Variants in CLDN16 observed in about 807,000 individuals in gnomAD.
CLDN16 encodes the protein claudin 16.
In CLDN16, 13 loss-of-function variants were observed where a neutral mutation model predicts 24.6. The observed-to-expected ratio is 0.53, with a 90% CI of 0.34 to 0.84. The LOEUF is 0.84. Among genes scored for constraint, CLDN16 ranks in the 40% least tolerant of loss-of-function variants. The pLI, the probability that CLDN16 is intolerant of heterozygous loss-of-function variation, is 0.01. For missense variants in CLDN16, 298 were observed against 292.7 expected (o/e 1.02, Z -0.13); for synonymous variants, 116 against 106.7 (o/e 1.09, Z -0.54).
At chr3:190,344,474 A>T (rs1717508350) in intron 1 of CLDN16, among the ~76,000 whole-genome samples, 1 of 151,812 alleles carries the variant, frequency 6.6e-6, no homozygotes, top group South Asian at 2.1e-4. Context: ...TAGAGTAGTG[A>T]ATAATGTATA....
chr3:190,346,550 T>C (rs1331248776), intron 1 of CLDN16, among the ~76,000 whole-genome samples: 1 of 152,230 alleles, frequency 6.6e-6, no homozygotes, highest in South Asian at 2.1e-4. Context: ...CCTAGTATTC[T>C]TTACAACAAC....
At chr3:190,313,142 G>T in the CLDN16 span, 1 of 1,334,814 alleles carries the variant, frequency 7.5e-7, no homozygotes, top group Non-Finnish European at 1.1e-6. Context: ...GAGAAAACTG[G>T]ACTAGGAATC....
At chr3:190,367,041 C>G (rs1428891867) in intron 1 of CLDN16, among the ~76,000 whole-genome samples, 1 of 151,956 alleles carries the variant, frequency 6.6e-6, no homozygotes, top group Non-Finnish European at 1.5e-5. Flanking sequence ...TTAATTTTAG[C>G]ACAACATTTT....
At chr3:190,329,425 T>A (rs1717136732) in intron 1 of CLDN16, among the ~76,000 whole-genome samples, 1 of 152,216 alleles carries the variant, frequency 6.6e-6, no homozygotes, top group African/African-American at 2.4e-5. Flanking sequence ...GAAGAATGAC[T>A]CTTATTCCCT....
chr3:190,322,216 G>C (rs761296860), upstream of CLDN16: 2 of 1,612,622 alleles, frequency 1.2e-6, no homozygotes, highest in African/African-American at 2.7e-5. Flanking sequence ...TGACTCGCTC[G>C]GGCGCCCGCG....
chr3:190,335,909 T>A (rs1717293873), intron 1 of CLDN16, among the ~76,000 whole-genome samples: 1 of 152,084 alleles, frequency 6.6e-6, no homozygotes, highest in South Asian at 2.1e-4. Flanking sequence ...GACCCCAGCT[T>A]GGTAGTAAGG....
chr3:190,404,975 G>T (rs1719057083), intron 3 of CLDN16, 49 bp downstream of exon 3: 2 of 1,569,946 alleles, frequency 1.3e-6, no homozygotes, highest in South Asian at 2.2e-5. Context: ...CTCTGCTAAG[G>T]GCTTGAGGTG....
chr3:190,298,852 T>C, the CLDN16 span, among the ~76,000 whole-genome samples: 1 of 152,232 alleles, frequency 6.6e-6, no homozygotes, highest in Admixed American at 6.5e-5. Flanking sequence ...CCACAAATTA[T>C]TTATCATTAA....
intron 1 of CLDN16, among the ~76,000 whole-genome samples, chr3:190,396,241 C>T (rs1718814836): frequency 6.6e-6 from 1 of 152,112 alleles, no homozygotes; most frequent in Non-Finnish European, 1.5e-5. Flanking sequence ...TAAGTGACAT[C>T]CTACTCATTT....
chr3:190,362,797 T>TAAA (rs2108642360), intron 1 of CLDN16, among the ~76,000 whole-genome samples: 1 of 152,156 alleles, frequency 6.6e-6, no homozygotes, highest in Non-Finnish European at 1.5e-5. Flanking sequence ...GCAAAACTGT[T>TAAA]AATAAGGGTA....
At chr3:190,318,914 A>C (rs565678305), upstream of CLDN16, among the ~76,000 whole-genome samples, 1 of 152,326 alleles carries the variant, frequency 6.6e-6, no homozygotes, top group East Asian at 1.9e-4. Flanking sequence ...ACACATGTGG[A>C]TTCATGCAAA....
the CLDN16 span, chr3:190,310,088 G>A: frequency 4.5e-6 from 5 of 1,117,414 alleles, no homozygotes; most frequent in African/African-American, 1.5e-5. Context: ...TCTGGGAAAT[G>A]ATGGCACTAG....
intron 3 of CLDN16, among the ~76,000 whole-genome samples, chr3:190,407,907 A>T (rs894839260): frequency 2.0e-5 from 3 of 152,208 alleles, no homozygotes; most frequent in Admixed American, 2.0e-4. Context: ...AAATCATTAC[A>T]GAATGAACAT....
chr3:190,339,636 ATTGAT>A (rs1260750304), intron 1 of CLDN16, among the ~76,000 whole-genome samples: 4 of 152,228 alleles, frequency 2.6e-5, no homozygotes, highest in Non-Finnish European at 5.9e-5. Flanking sequence ...CAGCAGTAAA[ATTGAT>A]TTAAGGATTA....
the CLDN16 span, among the ~76,000 whole-genome samples, chr3:190,294,872 G>A: frequency 3.9e-5 from 6 of 151,958 alleles, no homozygotes; most frequent in African/African-American, 1.2e-4. Flanking sequence ...ATAAATATGA[G>A]GATTAAATCA....
At chr3:190,292,087 G>T in the CLDN16 span, among the ~76,000 whole-genome samples, 2 of 152,204 alleles carry the variant, frequency 1.3e-5, no homozygotes, top group African/African-American at 4.8e-5. Flanking sequence ...CAGTGACCCA[G>T]TGAAGACTCT....
At chr3:190,323,451 G>GT (rs1287732609) in intron 1 of CLDN16, among the ~76,000 whole-genome samples, 1 of 152,138 alleles carries the variant, frequency 6.6e-6, no homozygotes, top group Admixed American at 6.5e-5. Context: ...TGGGACTGTA[G>GT]TTTCCCTCTA....
At chr3:190,322,331 T>A, upstream of CLDN16, 1 of 871,436 alleles carries the variant, frequency 1.1e-6, no homozygotes, top group Non-Finnish European at 1.8e-6. Flanking sequence ...CGGGGAGCCC[T>A]GCTCGCTGCG....
At chr3:190,294,793 C>A in the CLDN16 span, among the ~76,000 whole-genome samples, 4 of 152,018 alleles carry the variant, frequency 2.6e-5, no homozygotes, top group African/African-American at 9.7e-5. Flanking sequence ...AAACTATAAA[C>A]CACATGACTT....
Sources: allele counts gnomAD v4.1 joint callset (sites outside exome capture counted in the v4.1 genomes callset), GRCh38; gene constraint gnomAD v4.1.1; transcripts MANE v1.5; gene names NCBI Gene and HGNC (gene_info 2026-07-23, HGNC 2026-07-21).